Variants in SDK1 observed in about 807,000 individuals in gnomAD.
The protein encoded by SDK1 is sidekick cell adhesion molecule 1.
In SDK1, 157 loss-of-function variants were observed where a neutral mutation model predicts 245.5. The ratio of observed to expected loss-of-function variants is 0.64; its 90% CI spans 0.56 to 0.73. SDK1 has a LOEUF of 0.73. Among genes scored for constraint, SDK1 ranks in the 30% least tolerant of loss-of-function variants. SDK1 has a pLI of 0.00. For missense variants in SDK1, 3,583 were observed against 3,002.3 expected (o/e 1.19, Z -4.52); for synonymous variants, 1,647 against 1,278.5 (o/e 1.29, Z -6.15).
chr7:3,560,996 T>A (rs1317030199), intron 1 of SDK1, among the ~76,000 whole-genome samples: 1 of 152,082 alleles, frequency 6.6e-6, no homozygotes, highest in Non-Finnish European at 1.5e-5. Flanking sequence ...CTTTCTCACA[T>A]TTTTTTTCTT....
intron 4 of SDK1, among the ~76,000 whole-genome samples, chr7:3,663,779 C>G (rs1783439951): frequency 6.6e-6 from 1 of 152,146 alleles, no homozygotes; most frequent in Non-Finnish European, 1.5e-5. Context: ...AAAGTCTGTA[C>G]ATCTAAAAGG....
intron 4 of SDK1, among the ~76,000 whole-genome samples, chr7:3,735,404 G>A (rs552765899): frequency 4.1e-4 from 62 of 152,116 alleles, no homozygotes; most frequent in Non-Finnish European, 7.1e-4. Flanking sequence ...CCTCATATAA[G>A]TGAAGGCAGA....
intron 4 of SDK1, among the ~76,000 whole-genome samples, chr7:3,739,466 A>G (rs375869031): frequency 1.5e-4 from 22 of 150,596 alleles, no homozygotes; most frequent in African/African-American, 5.4e-4. Context: ...TTTTTCTGAG[A>G]CTCTTCCTTT....
chr7:4,083,548 CCCTCCCTCCCTT>C (rs1199968901), intron 22 of SDK1, among the ~76,000 whole-genome samples: 1,840 of 113,978 alleles, frequency 0.016, 55 homozygotes, highest in African/African-American at 0.058. Flanking sequence ...CTCCCTCCCT[CCCTCCCTCCCTT>C]CCTTCCTTTT....
chr7:3,961,846 T>C (rs541163417), intron 8 of SDK1, among the ~76,000 whole-genome samples: 2 of 152,240 alleles, frequency 1.3e-5, no homozygotes, highest in Admixed American at 1.3e-4. Flanking sequence ...CATGCACATA[T>C]ATGCACCACC....
At chr7:3,455,107 C>T (rs908169615) in intron 1 of SDK1, among the ~76,000 whole-genome samples, 3 of 150,566 alleles carry the variant, frequency 2.0e-5, no homozygotes, top group East Asian at 1.9e-4. Context: ...GATATCTGTT[C>T]GTGTCATTTG....
At chr7:3,795,249 G>C (rs888486413) in intron 4 of SDK1, among the ~76,000 whole-genome samples, 1 of 152,152 alleles carries the variant, frequency 6.6e-6, no homozygotes, top group African/African-American at 2.4e-5. Flanking sequence ...ACCATGTGCT[G>C]TGGCTGTGAT....
intron 4 of SDK1, among the ~76,000 whole-genome samples, chr7:3,719,256 T>G (rs990739577): frequency 6.6e-6 from 1 of 151,804 alleles, no homozygotes; most frequent in Non-Finnish European, 1.5e-5. Context: ...TTTTTTTTTT[T>G]TTTTTTAAAT....
At chr7:3,532,125 AGAG>A (rs1235116650) in intron 1 of SDK1, among the ~76,000 whole-genome samples, 1 of 152,200 alleles carries the variant, frequency 6.6e-6, no homozygotes, top group Non-Finnish European at 1.5e-5. Context: ...CTTTTCAATC[AGAG>A]GATACTCAAT....
intron 5 of SDK1, among the ~76,000 whole-genome samples, chr7:3,903,401 C>T (rs1427415444): frequency 6.6e-6 from 1 of 152,092 alleles, no homozygotes; most frequent in Non-Finnish European, 1.5e-5. Flanking sequence ...CCACCTCGGC[C>T]TCCCAAAGTG....
intron 1 of SDK1, among the ~76,000 whole-genome samples, chr7:3,595,257 A>G (rs540494673): frequency 3.3e-5 from 5 of 152,068 alleles, no homozygotes; most frequent in African/African-American, 9.7e-5. Context: ...ATTCATTTAT[A>G]TACTTCTACC....
chr7:3,576,587 A>G (rs1292770811), intron 1 of SDK1, among the ~76,000 whole-genome samples: 2 of 152,092 alleles, frequency 1.3e-5, no homozygotes, highest in African/African-American at 2.4e-5. Flanking sequence ...TAAATCTGCC[A>G]GTATCTTTAA....
At chr7:3,907,697 A>G (rs1193373541) in intron 5 of SDK1, among the ~76,000 whole-genome samples, 2 of 152,374 alleles carry the variant, frequency 1.3e-5, no homozygotes, top group East Asian at 1.9e-4. Flanking sequence ...CCAAAATGAA[A>G]TAAATCACAA....
At position 4,097,280 on chromosome 7, in the gene SDK1, C is replaced by G. The variant is rs191599296; in HGVS notation, c.3325-13383C>G. ...GACAGCTCCTGTACGGCCAGGGGCT[C>G]TCAGGTTGCTGTGTTTGGTACAGTA... On this transcript the variant is annotated intron_variant, in intron 22 of 44. Transcript: ENST00000404826. 1.0e-4 allele frequency among the ~76,000 whole-genome samples: 9 copies of G among 86,860 alleles called. No homozygotes were observed. In the East Asian group the frequency reaches 2.0e-3, roughly 19 times the overall value. The allele number at this position is 86,860 out of a possible 152,430, so 57.0% of individuals were successfully genotyped here.
chr7:3,620,849 C>G (rs780178355), intron 2 of SDK1, among the ~76,000 whole-genome samples: 1 of 152,192 alleles, frequency 6.6e-6, no homozygotes, highest in African/African-American at 2.4e-5. Context: ...ACACTTTAGA[C>G]AAGTGAGTGT....
chr7:3,917,885 CT>C (rs1779440278), intron 5 of SDK1, among the ~76,000 whole-genome samples: 1 of 152,164 alleles, frequency 6.6e-6, no homozygotes, highest in Non-Finnish European at 1.5e-5. Context: ...CTCAAGGTTT[CT>C]GGTCTCCATA....
intron 1 of SDK1, among the ~76,000 whole-genome samples, chr7:3,502,393 G>T (rs774182065): frequency 6.6e-6 from 1 of 152,064 alleles, no homozygotes; most frequent in African/African-American, 2.4e-5. Context: ...GGGATTACAG[G>T]TGCCTACCAC....
At chr7:3,733,317 C>T (rs1779231647) in intron 4 of SDK1, among the ~76,000 whole-genome samples, 1 of 152,154 alleles carries the variant, frequency 6.6e-6, no homozygotes. Context: ...TGGGAAGCCT[C>T]CTAAATATGT....
At chr7:3,630,266 A>G (rs1381702099) in intron 2 of SDK1, among the ~76,000 whole-genome samples, 2 of 152,234 alleles carry the variant, frequency 1.3e-5, no homozygotes, top group Admixed American at 6.5e-5. Flanking sequence ...CCAGTGCAAT[A>G]AGGCAAGAAA....
Sources: gnomAD v4.1 joint callset for allele counts (sites outside exome capture counted in the v4.1 genomes callset) on GRCh38, gnomAD v4.1.1 for gene constraint, MANE v1.5 for transcripts, NCBI Gene and HGNC (gene_info 2026-07-23, HGNC 2026-07-21) for gene names.